The following STK39 variants were observed in gnomAD, a reference collection of about 807,000 sequenced individuals.
STK39 encodes the protein STE20/SPS1-related proline-alanine-rich protein kinase.
STK39 carries 20 observed loss-of-function variants against 77.8 expected under a neutral mutation model. The observed-to-expected ratio is 0.26, with a 90% CI of 0.18 to 0.37. STK39 has a LOEUF of 0.37. Among genes scored for constraint, STK39 ranks in the 10% least tolerant of loss-of-function variants. The probability of loss-of-function intolerance (pLI) is 1.00; values close to 1 mark genes in which losing one functional copy is unlikely to be tolerated. For synonymous variants in STK39, 246 were observed against 234.1 expected (o/e 1.05, Z -0.47); for missense variants, 479 against 656.5 (o/e 0.73, Z 2.95).
At chr2:168,140,216 T>C in intron 7 of STK39, 73 bp downstream of exon 7, 1 of 1,255,056 alleles carries the variant, frequency 8.0e-7, no homozygotes, top group Non-Finnish European at 1.2e-6. Context: ...AATGAAGATG[T>C]TGAAGAGAAT....
chr2:168,194,982 T>C (rs1420857990), intron 1 of STK39, among the ~76,000 whole-genome samples: 4 of 152,220 alleles, frequency 2.6e-5, no homozygotes, highest in Non-Finnish European at 5.9e-5. Flanking sequence ...TAGGATAGCA[T>C]GAGTTTCAAT....
Position 168,075,144 on chromosome 2 carries a change from T to C in STK39, c.1177A>G (p.Ser393Gly). 6.2e-7 allele frequency: 1 copy of C among 1,614,178 alleles called. No individual in the cohort carries two copies. Among genetic ancestry groups the C allele is most frequent in the Non-Finnish European group, 8.5e-7 (1 of 1,180,028 alleles). Residue 393 changes from serine (S) to glycine (G), a missense_variant, in exon 11 of 18, where the codon AGC becomes GGC. Transcript: ENST00000355999. Reference sequence around the variant, plus strand: ...GAAAAAGCTGCTTTCCCTTCTTCGCTCTTCTCATCCATCTCGTCGTCACTC... The same window carrying C: ...GAAAAAGCTGCTTTCCCTTCTTCGCCCTTCTCATCCATCTCGTCGTCACTC... ...EWSDDEMDEK[S>G]EEGKAAFSQE...
chr2:168,234,735 C>T (rs1438754059), intron 1 of STK39, among the ~76,000 whole-genome samples: 1 of 152,198 alleles, frequency 6.6e-6, no homozygotes, highest in Non-Finnish European at 1.5e-5. Flanking sequence ...GTTACATAAA[C>T]ATGCCCTGAT....
intron 15 of STK39, 31 bp downstream of exon 15, chr2:168,017,012 C>A: frequency 6.5e-7 from 1 of 1,549,914 alleles, no homozygotes. Flanking sequence ...CTCTTTGAGG[C>A]AATAAAATAA....
chr2:167,994,215 T>C (rs1683773042), intron 16 of STK39, among the ~76,000 whole-genome samples: 1 of 152,182 alleles, frequency 6.6e-6, no homozygotes, highest in Non-Finnish European at 1.5e-5. Flanking sequence ...TGGTTCTTAA[T>C]ACAAAATTTA....
At chr2:168,074,502 G>A (rs1686023925) in intron 12 of STK39, among the ~76,000 whole-genome samples, 1 of 152,158 alleles carries the variant, frequency 6.6e-6, no homozygotes, top group African/African-American at 2.4e-5. Context: ...ACCTACTAAG[G>A]TATTATTTGG....
At chr2:168,130,830 C>T (rs6721521) in intron 8 of STK39, among the ~76,000 whole-genome samples, 61,625 of 151,970 alleles carry the variant, frequency 0.41, 12,769 homozygotes, top group South Asian at 0.47. Flanking sequence ...AATCAAATAA[C>T]GGGAGTATAG....
intron 17 of STK39, among the ~76,000 whole-genome samples, chr2:167,956,277 G>C (rs549620717): frequency 1.5e-4 from 23 of 152,194 alleles, no homozygotes; most frequent in African/African-American, 5.5e-4. Flanking sequence ...CCATTGCCTT[G>C]GCCAGGCATG....
In STK39 at chr2:168,039,561, C is replaced by G; in HGVS notation, c.1377-22466G>C. On this transcript the variant is annotated intron_variant, in intron 14 of 17. Coordinates refer to ENST00000355999, the MANE Select transcript of STK39 (RefSeq NM_013233.3). Reference sequence around the variant, plus strand: ...GAGCCGAGATTGCGCCACTGCAGTCCGCAGTCCGACCTGGGCGACAGAGCG... The same window carrying G: ...GAGCCGAGATTGCGCCACTGCAGTCGGCAGTCCGACCTGGGCGACAGAGCG... Among the ~76,000 whole-genome samples the G allele has an allele frequency of 1.1e-4, 2 of 18,266 alleles. 1 individual carries two copies. Among genetic ancestry groups the G allele is most frequent in the East Asian group, 1.3e-3 (2 of 1,584 alleles). The allele number at this position is 18,266 out of a possible 152,430, so 12.0% of individuals were successfully genotyped here.
At chr2:168,110,469 C>T (rs149777820) in intron 10 of STK39, among the ~76,000 whole-genome samples, 17 of 152,250 alleles carry the variant, frequency 1.1e-4, no homozygotes, top group African/African-American at 4.1e-4. Context: ...AACTCCTGGC[C>T]TCAAGAGATC....
chr2:168,146,381 T>A (rs1574501930), intron 5 of STK39, among the ~76,000 whole-genome samples: 1 of 152,210 alleles, frequency 6.6e-6, no homozygotes, highest in South Asian at 2.1e-4. Flanking sequence ...GAGTTGTGCA[T>A]GAACAACATT....
chr2:168,232,540 TC>T (rs1483480693), intron 1 of STK39, among the ~76,000 whole-genome samples: 1 of 152,196 alleles, frequency 6.6e-6, no homozygotes, highest in Non-Finnish European at 1.5e-5. Context: ...TCAATTATCC[TC>T]CTTTTCCATA....
At chr2:168,081,720 A>C (rs1045742490) in intron 10 of STK39, among the ~76,000 whole-genome samples, 2 of 152,232 alleles carry the variant, frequency 1.3e-5, no homozygotes, top group African/African-American at 2.4e-5. Flanking sequence ...TAACTCCCAC[A>C]GTTCCCACAT....
chr2:168,212,779 G>C (rs1050705388), intron 1 of STK39, among the ~76,000 whole-genome samples: 2 of 152,148 alleles, frequency 1.3e-5, no homozygotes, highest in African/African-American at 4.8e-5. Context: ...ATCATGACCA[G>C]TACAGCCTAA....
chr2:168,073,589 C>A (rs1685998635), intron 12 of STK39, among the ~76,000 whole-genome samples: 1 of 152,084 alleles, frequency 6.6e-6, no homozygotes, highest in Non-Finnish European at 1.5e-5. Context: ...GCTCATCACC[C>A]CTGCTCCTAA....
At chr2:167,976,567 T>C (rs1683281519) in intron 16 of STK39, among the ~76,000 whole-genome samples, 1 of 152,174 alleles carries the variant, frequency 6.6e-6, no homozygotes, top group African/African-American at 2.4e-5. Flanking sequence ...ATAACATCAC[T>C]ACTGTAGGTT....
chr2:168,013,822 G>A (rs867777110), intron 15 of STK39, among the ~76,000 whole-genome samples: 28 of 112,336 alleles, frequency 2.5e-4, no homozygotes, highest in African/African-American at 7.4e-4. Context: ...GTGTGTGTGT[G>A]TGTGTGTGTG....
chr2:168,223,120 G>C (rs1202689612), intron 1 of STK39, among the ~76,000 whole-genome samples: 1 of 152,140 alleles, frequency 6.6e-6, no homozygotes, highest in African/African-American at 2.4e-5. Context: ...CATAAAGCTA[G>C]CAAATGATGC....
intron 1 of STK39, among the ~76,000 whole-genome samples, chr2:168,239,771 T>G (rs1457529276): frequency 6.6e-6 from 1 of 152,106 alleles, no homozygotes; most frequent in Non-Finnish European, 1.5e-5. Flanking sequence ...GACTTAACAG[T>G]CTAGAGCCAG....
Sources: gnomAD v4.1 joint callset for allele counts (sites outside exome capture counted in the v4.1 genomes callset) on GRCh38, gnomAD v4.1.1 for gene constraint, MANE v1.5 for transcripts, NCBI Gene and HGNC (gene_info 2026-07-23, HGNC 2026-07-21) for gene names.